Variants in IGSF11 observed in about 807,000 individuals in gnomAD.
IGSF11 encodes immunoglobulin superfamily member 11.
A neutral mutation model predicts 41.0 loss-of-function variants in IGSF11; 22 were observed. The ratio of observed to expected loss-of-function variants is 0.54; its 90% confidence interval spans 0.38 to 0.77. IGSF11 has a LOEUF of 0.77. IGSF11 is among the 30% of genes least tolerant of loss of function. The probability of loss-of-function intolerance (pLI) is 0.00; values close to 1 mark genes in which losing one functional copy is unlikely to be tolerated. For missense variants in IGSF11, 444 were observed against 530.8 expected (o/e 0.84, Z 1.61); for synonymous variants, 219 against 201.3 (o/e 1.09, Z -0.74).
At chr3:119,145,980 T>A in exon 1 of IGSF11, 1 of 555,870 alleles carries the variant, frequency 1.8e-6, no homozygotes, top group Non-Finnish European at 3.2e-6. Flanking sequence ...GGACATGGCG[T>A]ACTCCCTGCG....
chr3:118,965,884 C>T (rs1029973206), intron 1 of IGSF11, among the ~76,000 whole-genome samples: 6 of 151,702 alleles, frequency 4.0e-5, no homozygotes, highest in South Asian at 2.1e-4. Context: ...AGAAAGATGA[C>T]GAAAGGACAA....
intron 4 of IGSF11, among the ~76,000 whole-genome samples, chr3:118,916,324 G>T (rs936053223): frequency 1.3e-5 from 2 of 152,122 alleles, no homozygotes; most frequent in African/African-American, 4.8e-5. Context: ...GTTGGATAAA[G>T]AGTCAAGACC....
chr3:118,920,640 C>T (rs376466664), intron 4 of IGSF11, among the ~76,000 whole-genome samples: 5 of 150,696 alleles, frequency 3.3e-5, no homozygotes, highest in African/African-American at 9.8e-5. Context: ...CAGAGAAAAA[C>T]GAAATATAAC....
At chr3:118,987,771 G>GC (rs1337281719) in intron 1 of IGSF11, among the ~76,000 whole-genome samples, 2 of 152,188 alleles carry the variant, frequency 1.3e-5, no homozygotes, top group African/African-American at 4.8e-5. Flanking sequence ...TTTTTTTCCT[G>GC]CAGCCAGAAG....
At chr3:119,106,265 A>G (rs1395131218), upstream of IGSF11, among the ~76,000 whole-genome samples, 1 of 152,208 alleles carries the variant, frequency 6.6e-6, no homozygotes, top group Non-Finnish European at 1.5e-5. Flanking sequence ...GTTATTGACT[A>G]TAGTCACCCA....
intron 1 of IGSF11, chr3:118,945,044 C>G (rs1239687886): frequency 6.6e-6 from 1 of 152,118 alleles, no homozygotes; most frequent in Non-Finnish European, 1.5e-5. Flanking sequence ...AACTTGTTGG[C>G]TTTAGTTTTT....
Position 118,915,346 on chromosome 3 carries a change from T to G in IGSF11, c.581-9628A>C, listed in dbSNP as rs879748799. 4.8e-3 allele frequency among the ~76,000 whole-genome samples: 422 copies of G among 87,016 alleles called. 5 individuals are homozygous for G. Among genetic ancestry groups the G allele is most frequent in the African/African-American group, 6.3e-3 (84 of 13,260 alleles). The allele number at this position is 87,016 out of a possible 152,430, so 57.1% of individuals were successfully genotyped here. ...ACATTCAAACCAAAGGCAAAGAAGT[T>G]GAAAACTTTGAAAAAAATTTAGAAG... On this transcript the variant is annotated intron_variant, in intron 4 of 6. Transcript: ENST00000393775.
At chr3:118,928,856 T>C in intron 2 of IGSF11, 140 bp from the exon 3 acceptor site, 1 of 642,484 alleles carries the variant, frequency 1.6e-6, no homozygotes. Flanking sequence ...ATCATCAACT[T>C]TTTTTTTACA....
chr3:119,004,847 T>C (rs980580823), intron 1 of IGSF11, among the ~76,000 whole-genome samples: 4 of 152,194 alleles, frequency 2.6e-5, no homozygotes, highest in African/African-American at 9.7e-5. Context: ...ATAATTTCTG[T>C]TCTGTCACAT....
intron 1 of IGSF11, among the ~76,000 whole-genome samples, chr3:119,012,390 A>G (rs1200182606): frequency 6.6e-6 from 1 of 152,318 alleles, no homozygotes; most frequent in South Asian, 2.1e-4. Flanking sequence ...TTTAGTCAAC[A>G]TATTTGTAAT....
chr3:119,018,218 T>C (rs1221574234), intron 1 of IGSF11, among the ~76,000 whole-genome samples: 4 of 152,234 alleles, frequency 2.6e-5, no homozygotes. Context: ...AAGGCAGAGA[T>C]AGAGGTAAAT....
intron 1 of IGSF11, among the ~76,000 whole-genome samples, chr3:119,128,866 T>C (rs531995731): frequency 1.3e-5 from 2 of 152,222 alleles, no homozygotes; most frequent in Non-Finnish European, 2.9e-5. Context: ...TATGCACATG[T>C]ATTTTTATTG....
chr3:119,127,760 A>G (rs2077423217), intron 1 of IGSF11, among the ~76,000 whole-genome samples: 1 of 152,228 alleles, frequency 6.6e-6, no homozygotes, highest in African/African-American at 2.4e-5. Flanking sequence ...TGACATTCTT[A>G]AAGAAAACAG....
chr3:119,091,998 G>C (rs1013568266), intron 1 of IGSF11, among the ~76,000 whole-genome samples: 1 of 144,056 alleles, frequency 6.9e-6, no homozygotes, highest in Non-Finnish European at 1.5e-5. Context: ...TTTTTTGGGG[G>C]GGGGGGGTTG....
chr3:119,016,859 A>G (rs1938749342), intron 1 of IGSF11, among the ~76,000 whole-genome samples: 1 of 152,146 alleles, frequency 6.6e-6, no homozygotes, highest in Non-Finnish European at 1.5e-5. Flanking sequence ...CCTGTTCCAT[A>G]AAGTGTCTGA....
At chr3:118,940,466 T>C (rs1943599401) in intron 1 of IGSF11, among the ~76,000 whole-genome samples, 1 of 152,152 alleles carries the variant, frequency 6.6e-6, no homozygotes, top group Non-Finnish European at 1.5e-5. Flanking sequence ...GGGATAACCT[T>C]CAGAAAATAT....
chr3:118,902,822 T>C lies in IGSF11; in HGVS notation c.994A>G (p.Thr332Ala), dbSNP rs367804123. 1.9e-6 allele frequency: 3 copies of C among 1,614,102 alleles called. No individual in the cohort carries two copies. The highest frequency in any genetic ancestry group is 2.5e-6 in the Non-Finnish European group (3 of 1,180,024). The change falls in exon 7 of 7, where the codon ACA becomes GCA. Residue 332 changes from threonine to alanine, a missense_variant. Thr to Ala is a moderately conservative substitution (Grantham distance 58). Around this residue, in one of 3 missense-constraint regions of IGSF11, gnomAD observed 223 missense variants for 226.2 expected, o/e 0.99. Coordinates refer to ENST00000393775, the MANE Select transcript of IGSF11 (RefSeq NM_001015887.3). ...TCACTGAAGTGGCTGACTGACTCTG[T>C]GTTTCTATGAACTTTTGGATTGTTG... Reference protein sequence around the residue: ...WSNNPKVHRNTESVSHFSDLG... With the variant: ...WSNNPKVHRNAESVSHFSDLG...
In IGSF11 at chr3:118,911,934, G is replaced by C. The variant is rs556588245; in HGVS notation, c.581-6216C>G. 2.6e-5 allele frequency among the ~76,000 whole-genome samples: 4 copies of C among 152,266 alleles called. No homozygotes were observed. The South Asian group carries it at 8.3e-4, about 32-fold the overall frequency. On this transcript the variant is annotated intron_variant, in intron 4 of 6. Transcript: ENST00000393775. ...GCTATGATCTCTAAAGATCTACACA[G>C]AGTTCACAGGCAAGCACGAGAGATA...
At chr3:118,922,015 C>A (rs1441965432) in intron 4 of IGSF11, among the ~76,000 whole-genome samples, 1 of 150,722 alleles carries the variant, frequency 6.6e-6, no homozygotes, top group Admixed American at 6.6e-5. Flanking sequence ...TGAACCAGGA[C>A]AATAGAAGAC....
Sources: allele counts gnomAD v4.1 joint callset (sites outside exome capture counted in the v4.1 genomes callset), GRCh38; gene constraint gnomAD v4.1.1; regional missense constraint gnomAD v4.1.1; transcripts MANE v1.5; gene names NCBI Gene and HGNC (gene_info 2026-07-23, HGNC 2026-07-21).